SLC35F3: variants seen among roughly 807,000 people sequenced by gnomAD.
The protein encoded by SLC35F3 is solute carrier family 35 member F3, also known as putative thiamine transporter SLC35F3.
A neutral mutation model predicts 49.9 loss-of-function variants in SLC35F3; 25 were observed. The ratio of observed to expected loss-of-function variants is 0.50; its 90% CI spans 0.37 to 0.70. The LOEUF (loss-of-function observed/expected upper bound fraction) is 0.70. Among genes scored for constraint, SLC35F3 ranks in the 30% least tolerant of loss-of-function variants. The pLI is 0.00. For synonymous variants in SLC35F3, 275 were observed against 265.4 expected, an observed-to-expected ratio of 1.04 and a Z score of -0.35; for missense variants, 525 against 639.8, an observed-to-expected ratio of 0.82 and a Z score of 1.94.
chr1:234,225,627 G>C (rs1334560178), intron 2 of SLC35F3, among the ~76,000 whole-genome samples: 1 of 152,196 alleles, frequency 6.6e-6, no homozygotes, highest in Non-Finnish European at 1.5e-5. Context: ...TATCTGCCTT[G>C]TACCGCAAAG....
chr1:234,119,021 A>T (rs1665534747), intron 2 of SLC35F3, among the ~76,000 whole-genome samples: 2 of 152,066 alleles, frequency 1.3e-5, no homozygotes, highest in South Asian at 4.1e-4. Flanking sequence ...AGATCAAGAG[A>T]GCTGGCAGGA....
intron 3 of SLC35F3, among the ~76,000 whole-genome samples, chr1:234,255,154 A>C (rs924179580): frequency 1.3e-5 from 2 of 152,242 alleles, no homozygotes; most frequent in Admixed American, 1.3e-4. Flanking sequence ...GAGAACCCTT[A>C]AAACTAAACT....
At chr1:233,988,071 T>G (rs1663294412) in intron 2 of SLC35F3, among the ~76,000 whole-genome samples, 1 of 152,226 alleles carries the variant, frequency 6.6e-6, no homozygotes, top group Admixed American at 6.5e-5. Flanking sequence ...TGTCTGTGAT[T>G]TTTACTGTTC....
At chr1:234,013,745 AC>A (rs1352425367) in intron 2 of SLC35F3, among the ~76,000 whole-genome samples, 2 of 152,064 alleles carry the variant, frequency 1.3e-5, no homozygotes, top group East Asian at 3.8e-4. Flanking sequence ...AGAAACTGAT[AC>A]ATTCCTGGAA....
At chr1:234,298,550 T>G (rs12044915) in intron 3 of SLC35F3, among the ~76,000 whole-genome samples, 2,902 of 152,346 alleles carry the variant, frequency 0.019, 180 homozygotes, top group East Asian at 0.17. Context: ...CGGACACATT[T>G]TCAGAGATCG....
At chr1:233,916,828 GCTT>G (rs1661980517) in intron 2 of SLC35F3, among the ~76,000 whole-genome samples, 3 of 152,190 alleles carry the variant, frequency 2.0e-5, no homozygotes, top group Admixed American at 2.0e-4. Context: ...CGAGGCCGAG[GCTT>G]CAGAAAATCA....
At chr1:234,140,623 C>T (rs1277167710) in intron 2 of SLC35F3, among the ~76,000 whole-genome samples, 9 of 152,048 alleles carry the variant, frequency 5.9e-5, no homozygotes, top group African/African-American at 1.9e-4. Flanking sequence ...GCTTAGGCTT[C>T]GGTAAATCAC....
chr1:234,149,102 A>T (rs1666036095), intron 2 of SLC35F3, among the ~76,000 whole-genome samples: 1 of 152,222 alleles, frequency 6.6e-6, no homozygotes. Context: ...TGTAGGAGTC[A>T]TTGGCACATA....
intron 3 of SLC35F3, chr1:234,284,986 C>T (rs1405969951): frequency 6.0e-6 from 1 of 167,314 alleles, no homozygotes; most frequent in Non-Finnish European, 1.3e-5. Context: ...AGACCATTCG[C>T]AGAAATCAGA....
intron 2 of SLC35F3, among the ~76,000 whole-genome samples, chr1:234,230,620 C>T (rs1369320567): frequency 6.6e-6 from 1 of 152,214 alleles, no homozygotes; most frequent in Non-Finnish European, 1.5e-5. Context: ...GCCTTTTCAC[C>T]TTCCTCTGGT....
At chr1:234,067,297 C>T (rs762896137) in intron 2 of SLC35F3, among the ~76,000 whole-genome samples, 3 of 152,144 alleles carry the variant, frequency 2.0e-5, no homozygotes, top group African/African-American at 4.8e-5. Context: ...TTAGCATACT[C>T]GCCTCTAGTA....
At chr1:233,981,963 T>G (rs546330460) in intron 2 of SLC35F3, among the ~76,000 whole-genome samples, 3 of 152,248 alleles carry the variant, frequency 2.0e-5, no homozygotes, top group Non-Finnish European at 4.4e-5. Flanking sequence ...AGTCTCCCTC[T>G]GTCGCCCAGG....
intron 2 of SLC35F3, among the ~76,000 whole-genome samples, chr1:234,008,808 A>G (rs1558204075): frequency 6.6e-6 from 1 of 152,004 alleles, no homozygotes; most frequent in African/African-American, 2.4e-5. Flanking sequence ...TTCTGTCATG[A>G]CTGTTCTTGG....
Sources: allele counts gnomAD v4.1 joint callset (sites outside exome capture counted in the v4.1 genomes callset), GRCh38; gene constraint gnomAD v4.1.1; transcripts MANE v1.5; gene names NCBI Gene and HGNC (gene_info 2026-07-23, HGNC 2026-07-21).